The following NEBL variants were observed in gnomAD, a reference collection of about 807,000 sequenced individuals.
NEBL encodes nebulette, also known as LIM and SH3 protein 2.
Under a neutral mutation model 140.2 loss-of-function variants are expected in NEBL, and 122 were observed. That is an observed-to-expected ratio of 0.87 (90% CI 0.75 to 1.01). NEBL has a LOEUF of 1.01. Among genes scored for constraint, NEBL ranks in the 50% least tolerant of loss-of-function variants. The pLI, the probability that NEBL is intolerant of heterozygous loss-of-function variation, is 0.00. For missense variants in NEBL, 1,365 were observed against 1,231.3 expected, an observed-to-expected ratio of 1.11 and a Z score of -1.62; for synonymous variants, 436 against 398.9, an observed-to-expected ratio of 1.09 and a Z score of -1.11.
chr10:20,835,485 T>C (rs957994430), intron 14 of NEBL, 28 bp downstream of exon 14: 10 of 1,503,426 alleles, frequency 6.7e-6, no homozygotes, highest in Non-Finnish European at 7.4e-6. Flanking sequence ...ATATGAGTCT[T>C]AAGGCCTGCA....
intron 3 of NEBL, among the ~76,000 whole-genome samples, chr10:21,247,160 A>G (rs1266452761): frequency 6.6e-6 from 1 of 152,110 alleles, no homozygotes; most frequent in Non-Finnish European, 1.5e-5. Context: ...CTTCCTGTGT[A>G]GCCTGTGGAA....
upstream of NEBL, among the ~76,000 whole-genome samples, chr10:21,177,755 C>T (rs913213335): frequency 2.0e-5 from 3 of 152,130 alleles, no homozygotes; most frequent in Non-Finnish European, 4.4e-5. Flanking sequence ...GTCTCGATCT[C>T]CTGACCTCAT....
chr10:21,171,673 G>C (rs1039422932), intron 2 of NEBL: 1 of 154,146 alleles, frequency 6.5e-6, no homozygotes, highest in African/African-American at 2.4e-5. Context: ...GCTTAGAACA[G>C]AGCTTGACAC....
intron 1 of NEBL, among the ~76,000 whole-genome samples, chr10:21,266,658 C>T (rs1368121723): frequency 6.6e-6 from 1 of 152,222 alleles, no homozygotes; most frequent in Non-Finnish European, 1.5e-5. Flanking sequence ...TGGGGGGACT[C>T]TTTTCAGATG....
intron 4 of NEBL, among the ~76,000 whole-genome samples, chr10:20,928,367 G>A (rs1834012641): frequency 6.6e-6 from 1 of 152,194 alleles, no homozygotes; most frequent in Non-Finnish European, 1.5e-5. Flanking sequence ...ACAGCTGAGT[G>A]CTAAGGTAAA....
chr10:20,881,783 T>C (rs895949120), intron 4 of NEBL, among the ~76,000 whole-genome samples: 1 of 152,042 alleles, frequency 6.6e-6, no homozygotes, highest in African/African-American at 2.4e-5. Context: ...AATGAATAAC[T>C]AAAAGAATGA....
intron 2 of NEBL, among the ~76,000 whole-genome samples, chr10:21,072,361 T>G (rs567515269): frequency 6.6e-6 from 1 of 152,332 alleles, no homozygotes; most frequent in African/African-American, 2.4e-5. Flanking sequence ...CCATACCATA[T>G]GTACATCTCC....
upstream of NEBL, among the ~76,000 whole-genome samples, chr10:21,176,350 A>G (rs562470794): frequency 8.5e-5 from 13 of 152,334 alleles, no homozygotes; most frequent in Admixed American, 2.0e-4. Flanking sequence ...AGTGCCTGAC[A>G]TACAGTATGA....
Position 20,954,111 on chromosome 10 carries a change from A to G in NEBL, c.357+7561T>C, listed in dbSNP as rs534238277. Among the ~76,000 whole-genome samples, 12 of 152,210 alleles carry G rather than the reference A, an allele frequency of 7.9e-5. No homozygotes were observed. The South Asian group carries it at 1.7e-3, about 21-fold the overall frequency. ...AATAATCCAGCTATTTACTGAATAG[A>G]TATTTATTTGATAACTACTTTGTGC... On this transcript the variant is annotated intron_variant, in intron 4 of 6. Transcript: ENST00000417816.
At chr10:20,900,220 A>G (rs951933008), upstream of NEBL, among the ~76,000 whole-genome samples, 19 of 152,314 alleles carry the variant, frequency 1.2e-4, no homozygotes, top group African/African-American at 4.3e-4. Context: ...TTAGTACTCT[A>G]CGCATGCCTT....
chr10:20,861,493 C>T (rs572929524), intron 7 of NEBL, among the ~76,000 whole-genome samples: 1 of 152,028 alleles, frequency 6.6e-6, no homozygotes, highest in Admixed American at 6.6e-5. Flanking sequence ...TCTTATTGCC[C>T]TCTTCACCCT....
intron 1 of NEBL, among the ~76,000 whole-genome samples, chr10:21,284,036 TAAAAA>T (rs5783774): frequency 1.0e-4 from 7 of 67,594 alleles, no homozygotes; most frequent in Non-Finnish European, 1.6e-4. Flanking sequence ...TAATCTGCAC[TAAAAA>T]AAAAAAAAAA....
intron 11 of NEBL, 117 bp downstream of exon 11, chr10:20,850,278 C>G: frequency 1.2e-6 from 1 of 845,584 alleles, no homozygotes; most frequent in Non-Finnish European, 2.0e-6. Context: ...AAAGCAGGTC[C>G]TTGAATCTGC....
At chr10:20,822,652 TATATATAGATATATAGAGACTATAG>T (rs139979367) in intron 19 of NEBL, among the ~76,000 whole-genome samples, 34,321 of 150,640 alleles carry the variant, frequency 0.23, 4,538 homozygotes, top group East Asian at 0.4. Context: ...TAATATAGGC[TATATATAGATATATAGAGACTATAG>T]ATATATAGAT....
intron 2 of NEBL, among the ~76,000 whole-genome samples, chr10:21,036,918 G>A (rs1054914949): frequency 1.3e-5 from 2 of 152,074 alleles, no homozygotes; most frequent in African/African-American, 4.8e-5. Context: ...CTTGACCCCT[G>A]GAATACAGCC....
At chr10:21,144,513 G>C (rs1038551667) in intron 2 of NEBL, among the ~76,000 whole-genome samples, 3 of 152,168 alleles carry the variant, frequency 2.0e-5, no homozygotes, top group African/African-American at 4.8e-5. Flanking sequence ...ATCACCCAAA[G>C]TCAGGAGTTC....
chr10:21,252,579 C>T (rs1231681854), intron 1 of NEBL, among the ~76,000 whole-genome samples: 2 of 152,040 alleles, frequency 1.3e-5, no homozygotes, highest in Non-Finnish European at 2.9e-5. Flanking sequence ...AATGCACAAC[C>T]TTACTGGGAA....
intron 4 of NEBL, among the ~76,000 whole-genome samples, chr10:20,938,491 C>A (rs1169562282): frequency 1.3e-5 from 2 of 152,144 alleles, no homozygotes; most frequent in African/African-American, 4.8e-5. Context: ...GATGGGGAGA[C>A]ACCAGAGCAG....
chr10:21,142,874 C>T (rs1839705469), intron 2 of NEBL, among the ~76,000 whole-genome samples: 1 of 152,112 alleles, frequency 6.6e-6, no homozygotes. Flanking sequence ...CCTCCTGCCC[C>T]CCACCCCCAA....
Sources: gnomAD v4.1 joint callset for allele counts (sites outside exome capture counted in the v4.1 genomes callset) on GRCh38, gnomAD v4.1.1 for gene constraint, MANE v1.5 for transcripts, NCBI Gene and HGNC (gene_info 2026-07-23, HGNC 2026-07-21) for gene names.